MACROD2: variants seen among roughly 807,000 people sequenced by gnomAD.
The protein encoded by MACROD2 is ADP-ribose glycohydrolase MACROD2.
Under a neutral mutation model 70.4 loss-of-function variants are expected in MACROD2, and 36 were observed. The observed-to-expected ratio is 0.51, with a 90% confidence interval of 0.39 to 0.68. The LOEUF is 0.68. Ranked by LOEUF, MACROD2 falls within the 30% of genes least tolerant of loss-of-function variation. The probability of loss-of-function intolerance (pLI) is 0.00; values close to 1 mark genes in which losing one functional copy is unlikely to be tolerated. For missense variants in MACROD2, 496 were observed against 538.4 expected (o/e 0.92, Z 0.78); for synonymous variants, 172 against 178.8 (o/e 0.96, Z 0.30).
Position 16,033,111 on chromosome 20 carries a change from A to G in MACROD2, c.1154-8090A>G, listed in dbSNP as rs184819794. 1.5e-4 allele frequency among the ~76,000 whole-genome samples: 23 copies of G among 152,234 alleles called. No homozygotes were observed. The East Asian group carries it at 4.4e-3, about 29-fold the overall frequency. ...GAGAGTAAAATAGCTACATGTTAAT[A>G]AAGTTTTTATATGGAATCTGACTTT... On this transcript the variant is annotated intron_variant, in intron 15 of 17. Transcript: ENST00000684519.
chr20:15,515,706 A>G (rs1009744348), intron 8 of MACROD2, among the ~76,000 whole-genome samples: 1 of 152,260 alleles, frequency 6.6e-6, no homozygotes, highest in African/African-American at 2.4e-5. Flanking sequence ...CTGAGCATGT[A>G]TAAAGCCAGT....
intron 6 of MACROD2, among the ~76,000 whole-genome samples, chr20:15,353,234 C>T (rs1002473305): frequency 6.6e-6 from 1 of 152,056 alleles, no homozygotes; most frequent in South Asian, 2.1e-4. Context: ...ACAAACCTGA[C>T]AAAAACAAGA....
chr20:14,663,228 G>A lies in MACROD2; in HGVS notation c.302-21615G>A, dbSNP rs553717342. Among the ~76,000 whole-genome samples the A allele has an allele frequency of 2.1e-3, 312 of 152,068 alleles. 5 individuals carry two copies. Among genetic ancestry groups the A allele is most frequent in the Admixed American group, 1.5e-3 (23 of 15,260 alleles). ...CATTATCCTTAGCAAACTAACACAG[G>A]AACAGAAAACCAAATGCCACAGGTT... On this transcript the variant is annotated intron_variant, in intron 4 of 17. Coordinates refer to ENST00000684519, the MANE Select transcript of MACROD2 (RefSeq NM_001351661.2).
At chr20:16,006,576 A>G (rs1452640608) in intron 15 of MACROD2, among the ~76,000 whole-genome samples, 1 of 152,124 alleles carries the variant, frequency 6.6e-6, no homozygotes, top group Non-Finnish European at 1.5e-5. Context: ...AGTTGTTTTG[A>G]GACCAAATTA....
chr20:15,458,466 T>C (rs1368429702), intron 7 of MACROD2, among the ~76,000 whole-genome samples: 1 of 152,044 alleles, frequency 6.6e-6, no homozygotes, highest in Non-Finnish European at 1.5e-5. Flanking sequence ...GGGCTTAGAA[T>C]TGAAAAGCTG....
rs1157788693 is a variant in MACROD2, at chr20:14,326,056, G to A, written c.272-167423G>A. ...TTCATCAAATAGGTAGAGGTTGCTG[G>A]TTTCCATGGGAACCATGCATACTTT... is the stretch of plus-strand genomic sequence containing the variant. On this transcript the variant is annotated intron_variant, in intron 3 of 17. Coordinates refer to ENST00000684519, the MANE Select transcript of MACROD2 (RefSeq NM_001351661.2). The surrounding 1 kb of genome is among the most constrained non-coding windows in gnomAD (Gnocchi z 5.5). 6 of 1,613,890 alleles carry A rather than the reference G, an allele frequency of 3.7e-6. No individual in the cohort carries two copies. The highest frequency in any genetic ancestry group is 5.1e-6 in the Non-Finnish European group (6 of 1,179,890).
In MACROD2 at chr20:14,862,127, T is replaced by TACATAA. The variant is rs2073339035; in HGVS notation, c.418+177169_418+177170insCATAAA. On this transcript the variant is annotated intron_variant, in intron 5 of 17. Coordinates refer to ENST00000684519, the MANE Select transcript of MACROD2 (RefSeq NM_001351661.2). ...TATACATAAATATATAAATATATAA[T>TACATAA]ATATATAAATATATATTATACATAA... 5.3e-4 allele frequency among the ~76,000 whole-genome samples: 5 copies of TACATAA among 9,498 alleles called. 2 individuals carry two copies. The highest frequency in any genetic ancestry group is 6.6e-4 in the Non-Finnish European group (3 of 4,512). The allele number at this position is 9,498 out of a possible 152,430, so 6.2% of individuals were successfully genotyped here.
intron 6 of MACROD2, among the ~76,000 whole-genome samples, chr20:15,353,971 A>G (rs200743400): frequency 0.15 from 20,507 of 138,838 alleles, 1,533 homozygotes; most frequent in East Asian, 0.41. Context: ...AACTAGAAAT[A>G]CCATTTGACC....
chr20:15,596,397 T>TTAGCTGGAC (rs2048746810), intron 8 of MACROD2, among the ~76,000 whole-genome samples: 1 of 152,202 alleles, frequency 6.6e-6, no homozygotes, highest in Non-Finnish European at 1.5e-5. Flanking sequence ...ATTCCACATG[T>TTAGCTGGAC]TAGCTGGTTA....
intron 15 of MACROD2, among the ~76,000 whole-genome samples, chr20:15,990,535 A>G (rs906349730): frequency 2.0e-5 from 3 of 152,194 alleles, no homozygotes; most frequent in Non-Finnish European, 4.4e-5. Flanking sequence ...TAATAAGTGT[A>G]GTGTGGAATA....
chr20:15,205,527 G>C (rs563540961), intron 5 of MACROD2, among the ~76,000 whole-genome samples: 45 of 152,092 alleles, frequency 3.0e-4, no homozygotes, highest in Non-Finnish European at 5.4e-4. Context: ...CCTTCTGTTG[G>C]AAGTCTGACA....
intron 4 of MACROD2, among the ~76,000 whole-genome samples, chr20:14,635,508 T>C (rs1004824984): frequency 2.2e-4 from 34 of 152,182 alleles, no homozygotes; most frequent in African/African-American, 8.0e-4. Context: ...TGTTCATAAA[T>C]GAGAGGCCCT....
rs563373046 is a variant in MACROD2 at position 14,591,488 on chromosome 20, G to C, written c.302-93355G>C. ...ATTTAAAATATTTCCAGCAATGCCT[G>C]TTTTAAAAGCGATTTCAGCTGCACC... On this transcript the variant is annotated intron_variant, in intron 4 of 17. Transcript: ENST00000684519. 1.8e-4 allele frequency among the ~76,000 whole-genome samples: 27 copies of C among 152,308 alleles called. No homozygotes were observed. In the South Asian group the frequency reaches 4.1e-3, roughly 23 times the overall value.
chr20:14,833,750 A>T (rs1361052234), intron 5 of MACROD2, among the ~76,000 whole-genome samples: 2 of 152,092 alleles, frequency 1.3e-5, no homozygotes, highest in African/African-American at 4.8e-5. Context: ...CTAGTGGAAA[A>T]TGCTGTCTGC....
At chr20:16,019,815 C>T (rs528904214) in intron 15 of MACROD2, among the ~76,000 whole-genome samples, 1 of 152,178 alleles carries the variant, frequency 6.6e-6, no homozygotes, top group Admixed American at 6.5e-5. Flanking sequence ...TTTAACAACT[C>T]CTGCCCAAGG....
At chr20:15,378,356 TAATCCAGGCATGAGGA>T (rs2045594338) in intron 6 of MACROD2, among the ~76,000 whole-genome samples, 1 of 150,210 alleles carries the variant, frequency 6.7e-6, no homozygotes, top group Non-Finnish European at 1.5e-5. Flanking sequence ...GCAGCATCAG[TAATCCAGGCATGAGGA>T]GATGATACTG....
chr20:15,212,795 G>T (rs921596647), intron 5 of MACROD2, among the ~76,000 whole-genome samples: 12 of 152,164 alleles, frequency 7.9e-5, no homozygotes, highest in Non-Finnish European at 1.5e-4. Context: ...AGTCTAGACT[G>T]GTAGTTTTCA....
intron 8 of MACROD2, among the ~76,000 whole-genome samples, chr20:15,802,144 G>A (rs2063731984): frequency 6.6e-6 from 1 of 152,056 alleles, no homozygotes; most frequent in African/African-American, 2.4e-5. Flanking sequence ...TCATCTGTGG[G>A]AAGGGACAAA....
intron 5 of MACROD2, among the ~76,000 whole-genome samples, chr20:15,113,647 A>G (rs1354473629): frequency 1.3e-5 from 2 of 152,120 alleles, no homozygotes; most frequent in African/African-American, 4.8e-5. Context: ...GAAAGCCTCC[A>G]ACACAAAGTG....
Sources: allele counts gnomAD v4.1 joint callset (sites outside exome capture counted in the v4.1 genomes callset), GRCh38; gene constraint gnomAD v4.1.1; non-coding constraint Gnocchi (gnomAD v3.1); transcripts MANE v1.5; gene names NCBI Gene and HGNC (gene_info 2026-07-23, HGNC 2026-07-21).